The following TRIM65 variants were observed in gnomAD, a reference collection of about 807,000 sequenced individuals.
TRIM65 encodes the protein E3 ubiquitin-protein ligase TRIM65.
A neutral mutation model predicts 36.1 loss-of-function variants in TRIM65; 46 were observed. The ratio of observed to expected loss-of-function variants is 1.27; its 90% CI spans 1.01 to 1.63. TRIM65 has a LOEUF of 1.63. Among genes scored for constraint, TRIM65 ranks in the 40% most tolerant of loss-of-function variants. The pLI is 0.00. For missense variants in TRIM65, 708 were observed against 696.6 expected (o/e 1.02, Z -0.18); for synonymous variants, 346 against 313.6 (o/e 1.10, Z -1.09).
exon 1 of TRIM65, chr17:75,896,938 GGCCCGGCGGCGGCGAGA>G (rs963616082): frequency 2.7e-6 from 4 of 1,489,850 alleles, no homozygotes; most frequent in Admixed American, 8.9e-5. Context: ...GCGCGGCCAT[GGCCCGGCGGCGGCGAGA>G]GCCAGGCGGG....
At chr17:75,887,636 G>A (rs2065217847), downstream of TRIM65, among the ~76,000 whole-genome samples, 1 of 134,420 alleles carries the variant, frequency 7.4e-6, no homozygotes, top group African/African-American at 2.9e-5. Flanking sequence ...GACAGAGTGA[G>A]ACTCCGTCTC....
downstream of TRIM65, among the ~76,000 whole-genome samples, chr17:75,879,787 CTT>C (rs2065158325): frequency 6.6e-6 from 1 of 150,704 alleles, no homozygotes; most frequent in African/African-American, 2.5e-5. Context: ...GAGTTTCGCT[CTT>C]GTCGCCCAGG....
At chr17:75,887,569 C>T (rs542260229), downstream of TRIM65, among the ~76,000 whole-genome samples, 5 of 150,906 alleles carry the variant, frequency 3.3e-5, no homozygotes, top group African/African-American at 9.8e-5. Context: ...ATGGCATGAA[C>T]CCAGGAGGCA....
At chr17:75,881,827 C>T (rs953072115) in intron 4 of TRIM65, among the ~76,000 whole-genome samples, 3 of 150,548 alleles carry the variant, frequency 2.0e-5, no homozygotes, top group Non-Finnish European at 4.4e-5. Flanking sequence ...AAAGACCTTC[C>T]GGGCAGAGGG....
rs2065350635 is a variant in TRIM65 at position 75,896,609 on chromosome 17, C to A, written c.329G>T (p.Gly110Val). The change falls in exon 1 of 6, where the codon GGC (glycine) becomes GTC (valine). Residue 110 changes from glycine to valine, a missense_variant. Transcript: ENST00000269383. Reference protein sequence around the residue: ...RPLELFCRTEGRCVCSVCTVR... With the variant: ...RPLELFCRTEVRCVCSVCTVR... The stretch of plus-strand genomic sequence containing the variant: ...GGTGCACACGCTGCACACACAGCGG[C>A]CCTCGGTCCGGCAGAAGAGCTCCAG... 1 of 1,264,552 alleles carries A rather than the reference C, an allele frequency of 7.9e-7. No individual in the cohort carries two copies. Among genetic ancestry groups the A allele is most frequent in the East Asian group, 3.2e-5 (1 of 31,594 alleles). The allele number at this position is 1,264,552 out of a possible 1,614,324, so 78.3% of individuals were successfully genotyped here. A position where few individuals can be genotyped will look rare whatever the true frequency, so the allele number is the denominator to read the frequency against.
downstream of TRIM65, among the ~76,000 whole-genome samples, chr17:75,884,132 T>C (rs1023272629): frequency 8.1e-5 from 12 of 147,824 alleles, no homozygotes; most frequent in Non-Finnish European, 1.2e-4. Flanking sequence ...TGAGACTCCA[T>C]CTCAAAAAAT....
chr17:75,891,182 T>A lies in TRIM65; in HGVS notation c.1151A>T (p.His384Leu), dbSNP rs747693823. ...QCAQSFQAGH[H>L]YWEVRASDHS... is the part of the protein sequence containing the mutation. ...GTCTGACGCGCGCACCTCCCAGTAG[T>A]GGTGCCCGGCCTGGAAGCTCTGGGC... Residue 384 changes from histidine to leucine, a missense_variant, in exon 6 of 6, where the codon CAC becomes CTC. By Grantham distance (99) the His-to-Leu change is moderately conservative. Transcript: ENST00000269383. 4 of 1,611,072 alleles carry A rather than the reference T, an allele frequency of 2.5e-6. No homozygotes were observed. Among genetic ancestry groups the A allele is most frequent in the Middle Eastern group, 1.6e-4 (1 of 6,084 alleles).
rs970928371 is a variant in TRIM65, at chr17:75,889,007, T to A, written c.*1772A>T. ...TGTGAAATATTTATCCATGAGTACA[T>A]ATAACATAGATGTCCAGTTTTTCAA... is the stretch of plus-strand genomic sequence containing the variant. On this transcript the variant is annotated 3_prime_UTR_variant, in exon 6 of 6. Coordinates refer to ENST00000269383, the MANE Select transcript of TRIM65 (RefSeq NM_173547.4). The A allele has an allele frequency of 2.0e-5, 3 of 151,730 alleles. No homozygotes were observed. The highest frequency in any genetic ancestry group is 7.3e-5 in the African/African-American group (3 of 41,368). The allele number at this position is 151,730 out of a possible 1,614,324, so 9.4% of individuals were successfully genotyped here. A position where few individuals can be genotyped will look rare whatever the true frequency, so the allele number is the denominator to read the frequency against.
intron 4 of TRIM65, 25 bp from the exon 5 acceptor site, chr17:75,891,903 G>A (rs1225619774): frequency 2.5e-6 from 4 of 1,602,274 alleles, no homozygotes; most frequent in Non-Finnish European, 1.7e-6. Flanking sequence ...AGTGTTAAGG[G>A]AATGGTTGGA....
At position 75,892,425 on chromosome 17, in the gene TRIM65, T is replaced by A. The variant is rs1404782560; in HGVS notation, c.586A>T (p.Thr196Ser). The A allele has an allele frequency of 6.2e-7, 1 of 1,613,942 alleles. No homozygotes were observed. Among genetic ancestry groups the A allele is most frequent in the Non-Finnish European group, 8.5e-7 (1 of 1,179,816 alleles). Residue 196 changes from threonine (T) to serine (S), a missense_variant, in exon 3 of 6, where the codon ACG (threonine) becomes TCG (serine). Coordinates refer to ENST00000269383, the MANE Select transcript of TRIM65 (RefSeq NM_173547.4). The part of the protein sequence containing the change: ...SLLQALEIQH[T>S]TALRSIEVAK... ...ACCTCGATGCTCCTCAGTGCTGTCGTGTGCTGTATTTCCAGGGCCTGTAGC... is the reference window on the plus strand; with the variant it reads ...ACCTCGATGCTCCTCAGTGCTGTCGAGTGCTGTATTTCCAGGGCCTGTAGC...
intron 4 of TRIM65, among the ~76,000 whole-genome samples, chr17:75,883,016 A>G (rs1470793884): frequency 1.3e-5 from 2 of 149,394 alleles, no homozygotes; most frequent in African/African-American, 5.1e-5. Flanking sequence ...CAATCCGGTG[A>G]TGACAGTAAT....
At chr17:75,893,799 C>T (rs2065307139) in intron 1 of TRIM65, among the ~76,000 whole-genome samples, 1 of 152,072 alleles carries the variant, frequency 6.6e-6, no homozygotes, top group Non-Finnish European at 1.5e-5. Context: ...ACAGGCACCC[C>T]CATGTCCCTT....
At chr17:75,884,216 G>A (rs111961862), downstream of TRIM65, among the ~76,000 whole-genome samples, 1 of 152,026 alleles carries the variant, frequency 6.6e-6, no homozygotes, top group Non-Finnish European at 1.5e-5. Context: ...CCAGCACTTT[G>A]GGAGGCCGAG....
intron 1 of TRIM65, among the ~76,000 whole-genome samples, chr17:75,894,372 C>T (rs2065316024): frequency 6.6e-6 from 1 of 152,236 alleles, no homozygotes; most frequent in South Asian, 2.1e-4. Flanking sequence ...GGACCACCTC[C>T]ACAGTACCGA....
chr17:75,890,541 G>A lies in TRIM65; in HGVS notation c.*238C>T, dbSNP rs1051349913. The A allele has an allele frequency of 2.9e-5, 13 of 446,482 alleles. No homozygotes were observed. The South Asian group carries it at 3.6e-4, about 13-fold the overall frequency. The allele number at this position is 446,482 out of a possible 1,614,324, so 27.7% of individuals were successfully genotyped here. ...GCCTCCCAGGCCCAGACAGTACCTAGAACTGGGTTCTCTCTGGGGCAAGGG... is the reference window on the plus strand; with the variant it reads ...GCCTCCCAGGCCCAGACAGTACCTAAAACTGGGTTCTCTCTGGGGCAAGGG... On this transcript the variant is annotated 3_prime_UTR_variant, in exon 6 of 6. Transcript: ENST00000269383.
chr17:75,885,701 T>C (rs1473428092), downstream of TRIM65, among the ~76,000 whole-genome samples: 2 of 152,240 alleles, frequency 1.3e-5, no homozygotes, highest in African/African-American at 4.8e-5. Flanking sequence ...TTCCTGAGGA[T>C]GGAGGCTGAC....
In TRIM65 at chr17:75,892,458, T is replaced by G; in HGVS notation, c.553A>C (p.Ser185Arg). The change falls in exon 3 of 6, where the codon AGC becomes CGC. Residue 185 changes from serine (S) to arginine (R), a missense_variant. Coordinates refer to ENST00000269383, the MANE Select transcript of TRIM65 (RefSeq NM_173547.4). The stretch of plus-strand genomic sequence containing the variant: ...ATTTCCAGGGCCTGTAGCAGGCTGC[T>G]GAACTTGCCGGAGACCCAGGAGGCC... ...ILASWVSGKF[S>R]SLLQALEIQH... 1 of 1,614,092 alleles carries G rather than the reference T, an allele frequency of 6.2e-7. No individual in the cohort carries two copies. The highest frequency in any genetic ancestry group is 2.2e-5 in the East Asian group (1 of 44,874).
chr17:75,894,803 A>T (rs2049238682), intron 1 of TRIM65, among the ~76,000 whole-genome samples: 1 of 152,228 alleles, frequency 6.6e-6, no homozygotes, highest in African/African-American at 2.4e-5. Flanking sequence ...TGCTGGGATT[A>T]CAGGCGTGAG....
Position 75,890,637 on chromosome 17 carries a change from C to G in TRIM65, c.*142G>C. On this transcript the variant is annotated 3_prime_UTR_variant, in exon 6 of 6. Coordinates refer to ENST00000269383, the MANE Select transcript of TRIM65 (RefSeq NM_173547.4). ...TGCAACAGTGAACTCTGCGTTTATG[C>G]TCACCTCCCCCAACCTCCCATCTCT... 2.9e-6 allele frequency: 2 copies of G among 692,656 alleles called. No individual in the cohort carries two copies. Among genetic ancestry groups the G allele is most frequent in the South Asian group, 2.4e-5 (1 of 41,466 alleles). 42.9% of individuals were successfully genotyped at this position (692,656 alleles called of 1,614,324 possible). A position where few individuals can be genotyped will look rare whatever the true frequency, so the allele number is the denominator to read the frequency against.
Sources: gnomAD v4.1 joint callset for allele counts (sites outside exome capture counted in the v4.1 genomes callset) on GRCh38, gnomAD v4.1.1 for gene constraint, MANE v1.5 for transcripts, NCBI Gene and HGNC (gene_info 2026-07-23, HGNC 2026-07-21) for gene names.